The following ZNF654 variants were observed in gnomAD, a reference collection of about 807,000 sequenced individuals.
The protein encoded by ZNF654 is melanoma-associated antigen.
In ZNF654, 19 loss-of-function variants were observed where a neutral mutation model predicts 95.3. The ratio of observed to expected loss-of-function variants is 0.20; its 90% CI spans 0.14 to 0.29. ZNF654 has a LOEUF of 0.29. ZNF654 is among the 10% of genes least tolerant of loss of function. ZNF654 has a pLI of 1.00. For synonymous variants in ZNF654, 413 were observed against 457.9 expected (o/e 0.90, Z 1.25); for missense variants, 1,046 against 1,341.0 (o/e 0.78, Z 3.44).
rs1372055011 is a variant in ZNF654, at chr3:88,135,116, G to T, written c.949G>T (p.Val317Phe). The T allele has an allele frequency of 3.4e-6, 5 of 1,482,842 alleles. No homozygotes were observed. In the Admixed American group the frequency reaches 9.4e-5, roughly 28 times the overall value. 91.9% of individuals were successfully genotyped at this position (1,482,842 alleles called of 1,614,324 possible). A position where few individuals can be genotyped will look rare whatever the true frequency, so the allele number is the denominator to read the frequency against. The part of the protein sequence containing the change: ...LQLKSNPSKQ[V>F]FVDQCYQLLR... The stretch of plus-strand genomic sequence containing the variant: ...GCTTAAATCTAATCCTTCAAAACAA[G>T]TTTTTGTAGATCAATGCTACCAGCT... Residue 317 changes from valine to phenylalanine, a missense_variant, in exon 7 of 9, where the codon GTT becomes TTT. By Grantham distance (50) the Val-to-Phe change is conservative. Coordinates refer to ENST00000636215, the MANE Select transcript of ZNF654 (RefSeq NM_001350134.2).
At chr3:88,100,091 T>C (rs1704317792) in intron 2 of ZNF654, among the ~76,000 whole-genome samples, 3 of 152,208 alleles carry the variant, frequency 2.0e-5, no homozygotes, top group African/African-American at 7.2e-5. Flanking sequence ...AAAGGGCTAA[T>C]ATCCAGAATC....
chr3:88,107,514 C>T (rs1176725475), intron 2 of ZNF654, among the ~76,000 whole-genome samples: 1 of 152,048 alleles, frequency 6.6e-6, no homozygotes, highest in Admixed American at 6.5e-5. Flanking sequence ...TCTGGGCTCT[C>T]CTGAATTTAT....
intron 7 of ZNF654, among the ~76,000 whole-genome samples, chr3:88,137,900 TAC>T (rs749854713): frequency 2.0e-5 from 3 of 151,994 alleles, no homozygotes; most frequent in African/African-American, 4.8e-5. Context: ...ATGATATATA[TAC>T]ATATATATGA....
chr3:88,069,762 G>A (rs1707405220), intron 1 of ZNF654, among the ~76,000 whole-genome samples: 2 of 152,120 alleles, frequency 1.3e-5, no homozygotes, highest in Non-Finnish European at 2.9e-5. Flanking sequence ...ACAAATTATA[G>A]CAGTTCTCAA....
At chr3:88,088,934 G>T (rs372045617) in intron 2 of ZNF654, among the ~76,000 whole-genome samples, 2 of 151,470 alleles carry the variant, frequency 1.3e-5, no homozygotes, top group East Asian at 3.9e-4. Context: ...CACCATGCCT[G>T]GCTAATTTTT....
intron 6 of ZNF654, among the ~76,000 whole-genome samples, chr3:88,134,380 CAT>C (rs975138535): frequency 6.6e-6 from 1 of 151,960 alleles, no homozygotes; most frequent in Non-Finnish European, 1.5e-5. Context: ...ACTTTTATGA[CAT>C]GTTTTAAAGA....
chr3:88,070,267 A>G (rs1239348085), intron 1 of ZNF654, among the ~76,000 whole-genome samples: 1 of 152,186 alleles, frequency 6.6e-6, no homozygotes, highest in Non-Finnish European at 1.5e-5. Context: ...AATGTAATGA[A>G]TGAAAATAGG....
At chr3:88,133,728 A>G (rs1349360246) in intron 6 of ZNF654, among the ~76,000 whole-genome samples, 1 of 152,146 alleles carries the variant, frequency 6.6e-6, no homozygotes, top group Non-Finnish European at 1.5e-5. Flanking sequence ...TAAGCACTAA[A>G]TGAAATATGA....
At chr3:88,077,759 A>G (rs1219807577) in intron 1 of ZNF654, among the ~76,000 whole-genome samples, 2 of 152,190 alleles carry the variant, frequency 1.3e-5, no homozygotes, top group East Asian at 3.8e-4. Context: ...AGAAGTCACA[A>G]CTGATTTTAA....
intron 2 of ZNF654, among the ~76,000 whole-genome samples, chr3:88,095,137 G>T (rs1703982878): frequency 6.6e-6 from 1 of 152,028 alleles, no homozygotes; most frequent in Non-Finnish European, 1.5e-5. Flanking sequence ...ATCTTGAAAA[G>T]GTTTTCCCTT....
At chr3:88,110,698 T>C (rs1705037125) in intron 2 of ZNF654, among the ~76,000 whole-genome samples, 1 of 152,080 alleles carries the variant, frequency 6.6e-6, no homozygotes, top group Non-Finnish European at 1.5e-5. Context: ...AGGAGAGCTA[T>C]ACAAGTTGAT....
intron 2 of ZNF654, among the ~76,000 whole-genome samples, chr3:88,091,820 C>T (rs538096280): frequency 7.2e-5 from 11 of 152,318 alleles, no homozygotes; most frequent in East Asian, 1.9e-4. Context: ...GTTCCTCCTT[C>T]GCCTTCTGCT....
chr3:88,092,155 A>G (rs1355437142), intron 2 of ZNF654, among the ~76,000 whole-genome samples: 7 of 152,178 alleles, frequency 4.6e-5, no homozygotes, highest in Admixed American at 3.9e-4. Context: ...AAAATGGGGA[A>G]ATAGCAACAT....
Position 88,061,609 on chromosome 3 carries a change from A to G in ZNF654, c.186+2104A>G, listed in dbSNP as rs1706887787. Among the ~76,000 whole-genome samples the G allele has an allele frequency of 1.3e-5, 2 of 152,100 alleles. 1 individual carries two copies. The highest frequency in any genetic ancestry group is 4.1e-4 in the South Asian group (2 of 4,832). ...CTTTGTGAAGTCCTTTTTTATATTA[A>G]AGCTTTTAGATGGAATAAAATATTC... On this transcript the variant is annotated intron_variant, in intron 1 of 8. Coordinates refer to ENST00000636215, the MANE Select transcript of ZNF654 (RefSeq NM_001350134.2).
Position 88,144,414 on chromosome 3 carries a change from C to A in ZNF654, c.*2762C>A, listed in dbSNP as rs1347142577. 1 of 152,256 alleles carries A rather than the reference C, an allele frequency of 6.6e-6. No homozygotes were observed. The highest frequency in any genetic ancestry group is 1.5e-5 in the Non-Finnish European group (1 of 67,826). 9.4% of individuals were successfully genotyped at this position (152,256 alleles called of 1,614,324 possible). On this transcript the variant is annotated 3_prime_UTR_variant, in exon 9 of 9. Transcript: ENST00000636215. ...TTAATTTATTTGGTACTGTAAAACACCTTTTCAGAATGAGTAAATGCTGCA... is the reference window on the plus strand; with the variant it reads ...TTAATTTATTTGGTACTGTAAAACAACTTTTCAGAATGAGTAAATGCTGCA...
At chr3:88,116,342 G>A (rs1380638284) in intron 3 of ZNF654, among the ~76,000 whole-genome samples, 1 of 152,006 alleles carries the variant, frequency 6.6e-6, no homozygotes, top group Admixed American at 6.6e-5. Flanking sequence ...CCAACATGGA[G>A]AAAACTCGTC....
At chr3:88,064,372 C>A (rs1374274162) in intron 1 of ZNF654, among the ~76,000 whole-genome samples, 2 of 151,968 alleles carry the variant, frequency 1.3e-5, no homozygotes, top group Admixed American at 6.6e-5. Context: ...TTGATTATAC[C>A]CCGTTTTTGT....
chr3:88,095,780 C>T (rs1704023107), intron 2 of ZNF654: 1 of 423,012 alleles, frequency 2.4e-6, no homozygotes, highest in Non-Finnish European at 4.5e-6. Flanking sequence ...TTTTTGTAAA[C>T]TAAGAAATGA....
intron 2 of ZNF654, among the ~76,000 whole-genome samples, chr3:88,091,588 T>A (rs867853822): frequency 6.6e-6 from 1 of 152,224 alleles, no homozygotes; most frequent in South Asian, 2.1e-4. Context: ...CTAGCTGATA[T>A]GGTTTCACTG....
Sources: gnomAD v4.1 joint callset for allele counts (sites outside exome capture counted in the v4.1 genomes callset) on GRCh38, gnomAD v4.1.1 for gene constraint, MANE v1.5 for transcripts, NCBI Gene and HGNC (gene_info 2026-07-23, HGNC 2026-07-21) for gene names.